Variants in CLTRN observed in about 807,000 individuals in gnomAD.
CLTRN encodes collectrin, amino acid transport regulator.
CLTRN carries 12 observed loss-of-function variants against 14.5 expected under a neutral mutation model. The observed-to-expected ratio is 0.83, with a 90% confidence interval of 0.53 to 1.34. The LOEUF is 1.34. Among genes scored for constraint, CLTRN ranks in the 40% most tolerant of loss-of-function variants. The probability of loss-of-function intolerance (pLI) is 0.00; values close to 1 mark genes in which losing one functional copy is unlikely to be tolerated. For missense variants in CLTRN, 154 were observed against 165.1 expected (o/e 0.93, Z 0.37); for synonymous variants, 58 against 56.5 (o/e 1.03, Z -0.12).
At chrX:15,653,113 A>G (rs1348580324) in intron 3 of CLTRN, among the ~76,000 whole-genome samples, 1 of 111,734 alleles carries the variant, frequency 8.9e-6, no homozygotes, top group Non-Finnish European at 1.9e-5. Context: ...AATGTAAATA[A>G]AAAATATGAA....
At position 15,649,025 on chromosome X, in the gene CLTRN, T is replaced by G. The variant is rs774699958; in HGVS notation, c.204-3996A>C. Among the ~76,000 whole-genome samples, 3 of 112,075 alleles carry G rather than the reference T, an allele frequency of 2.7e-5. No homozygotes were observed. In the South Asian group the frequency reaches 1.1e-3, roughly 41 times the overall value. On this transcript the variant is annotated intron_variant, in intron 3 of 5. Transcript: ENST00000380342. ...TCTTTAAATACTGTTCAAACATGAATTTCATGGTATTCCCCATTACAGAGC... is the reference window on the plus strand; with the variant it reads ...TCTTTAAATACTGTTCAAACATGAAGTTCATGGTATTCCCCATTACAGAGC...
chrX:15,655,666 C>T (rs185429232), intron 3 of CLTRN, among the ~76,000 whole-genome samples: 5 of 112,087 alleles, frequency 4.5e-5, no homozygotes, highest in African/African-American at 1.6e-4. Context: ...CACCATGAGA[C>T]TTCTCTGGCT....
At chrX:15,658,512 GAGAA>G in intron 3 of CLTRN, among the ~76,000 whole-genome samples, 1 of 112,020 alleles carries the variant, frequency 8.9e-6, no homozygotes, top group Admixed American at 9.5e-5. Flanking sequence ...ATCACAAATA[GAGAA>G]AGAAAGAAAC....
chrX:15,636,643 C>T (rs933117416), intron 5 of CLTRN, among the ~76,000 whole-genome samples: 17 of 111,390 alleles, frequency 1.5e-4, no homozygotes, highest in African/African-American at 5.2e-4. Context: ...GAAGTTTCTA[C>T]AGTATGATGG....
chrX:15,640,433 T>C (rs1216075797), intron 4 of CLTRN, among the ~76,000 whole-genome samples: 1 of 113,045 alleles, frequency 8.8e-6, no homozygotes, highest in Non-Finnish European at 1.9e-5. Context: ...GCTATAATAC[T>C]GCCTCTTCAG....
At chrX:15,654,474 GT>G (rs1473215579) in intron 3 of CLTRN, among the ~76,000 whole-genome samples, 1 of 112,223 alleles carries the variant, frequency 8.9e-6, no homozygotes, top group Admixed American at 9.4e-5. Flanking sequence ...CTGTGAAACT[GT>G]TTTAGTAAAT....
chrX:15,659,703 G>A (rs1356961589), intron 2 of CLTRN, among the ~76,000 whole-genome samples: 1 of 110,957 alleles, frequency 9.0e-6, no homozygotes, highest in Non-Finnish European at 1.9e-5. Flanking sequence ...CCTTAGAAGA[G>A]GAAATCTGGA....
Position 15,627,943 on chromosome X carries a change from T to C in CLTRN, c.*28A>G. Reference sequence around the variant, plus strand: ...CAGTCACACAGAAACAAATGTTTAATTTCTTGAGGAAGCAGAACAACAGCC... The same window carrying C: ...CAGTCACACAGAAACAAATGTTTAACTTCTTGAGGAAGCAGAACAACAGCC... On this transcript the variant is annotated 3_prime_UTR_variant, in exon 6 of 6. Coordinates refer to ENST00000380342, the MANE Select transcript of CLTRN (RefSeq NM_020665.6). The C allele has an allele frequency of 1.0e-6, 1 of 996,613 alleles. No individual in the cohort carries two copies. Among genetic ancestry groups the C allele is most frequent in the South Asian group, 4.4e-5 (1 of 22,621 alleles). 82.1% of individuals were successfully genotyped at this position (996,613 alleles called of 1,213,427 possible).
chrX:15,664,860 G>A (rs939895630), upstream of CLTRN: 9 of 807,966 alleles, frequency 1.1e-5, no homozygotes, highest in African/African-American at 1.0e-4. Context: ...TCTGTGACCC[G>A]GATTAGAATA....
Position 15,628,093 on chromosome X carries a change from C to A in CLTRN, c.547G>T (p.Glu183Ter). The A allele has an allele frequency of 1.8e-6, 2 of 1,132,557 alleles. No homozygotes were observed. The highest frequency in any genetic ancestry group is 2.3e-5 in the South Asian group (1 of 42,919). 93.3% of individuals were successfully genotyped at this position (1,132,557 alleles called of 1,213,427 possible). ...NKEPSEVDDA[E>*]DKCENMITIE... is the part of the protein sequence containing the mutation. ...GTGATCATGTTTTCACACTTATCTT[C>A]AGCGTCATCCACTTCAGATGGTTCT... is the stretch of plus-strand genomic sequence containing the variant. The change falls in exon 6 of 6, where the codon GAA (glutamate) becomes TAA (stop). Residue 183 changes from glutamate to a stop codon, truncating the protein, a stop_gained. Transcript: ENST00000380342. LOFTEE classifies it high-confidence loss of function.
intron 3 of CLTRN, chrX:15,646,354 T>A (rs1427177859): frequency 3.8e-6 from 1 of 265,142 alleles, no homozygotes; most frequent in Non-Finnish European, 7.4e-6. Flanking sequence ...TTTCGGAAAC[T>A]TCTGGCAGCC....
At chrX:15,666,255 G>C (rs1255300049), upstream of CLTRN, among the ~76,000 whole-genome samples, 1 of 111,812 alleles carries the variant, frequency 8.9e-6, no homozygotes, top group Non-Finnish European at 1.9e-5. Context: ...AAAAAACCCT[G>C]AAGTTGCAAC....
chrX:15,657,256 T>C (rs1425824374), intron 3 of CLTRN, among the ~76,000 whole-genome samples: 1 of 112,350 alleles, frequency 8.9e-6, no homozygotes, highest in East Asian at 2.8e-4. Flanking sequence ...TGCCTCGGCC[T>C]CCCAAAGTTT....
chrX:15,645,020 A>G lies in CLTRN; in HGVS notation c.213T>C (p.His71=), dbSNP rs138307428. Residue 71 remains histidine (H), a synonymous_variant, in exon 4 of 6, where the codon CAT becomes CAC. Transcript: ENST00000380342. ...VPNREATEIS[H]VLLCNVTQRV... ...TCTGGGTTACATTGCAAAGTAGGAC[A>G]TGGGAAATTCTGCAGACAGTGGAAA... 1.7e-6 allele frequency: 2 copies of G among 1,184,368 alleles called. No individual in the cohort carries two copies. Among genetic ancestry groups the G allele is most frequent in the Non-Finnish European group, 1.1e-6 (1 of 876,375 alleles).
chrX:15,652,638 GTTTGT>G (rs1446003628), intron 3 of CLTRN, among the ~76,000 whole-genome samples: 4 of 111,554 alleles, frequency 3.6e-5, no homozygotes, highest in African/African-American at 6.5e-5. Context: ...TTTCTTCAAG[GTTTGT>G]TTTTTCTTTG....
At chrX:15,675,108 A>ACCCAGGCGTACCGCAGGGGCGTGG (rs1304245791), upstream of CLTRN, 1 of 113,223 alleles carries the variant, frequency 8.8e-6, no homozygotes, top group East Asian at 2.8e-4. Context: ...AAGAGGCGTG[A>ACCCAGGCGTACCGCAGGGGCGTGG]CCCAGGCGTA....
At chrX:15,667,908 T>C (rs1267548044), upstream of CLTRN, among the ~76,000 whole-genome samples, 2 of 112,094 alleles carry the variant, frequency 1.8e-5, no homozygotes, top group East Asian at 5.6e-4. Flanking sequence ...GTGACAAATT[T>C]CTTCATAAGC....
upstream of CLTRN, among the ~76,000 whole-genome samples, chrX:15,667,229 T>C (rs1489951457): frequency 6.5e-5 from 6 of 91,942 alleles, no homozygotes; most frequent in African/African-American, 2.5e-4. Context: ...AGAGCGAGAC[T>C]CCATCTCAAA....
At chrX:15,651,772 G>A (rs1046864527) in intron 3 of CLTRN, among the ~76,000 whole-genome samples, 8 of 111,434 alleles carry the variant, frequency 7.2e-5, no homozygotes, top group African/African-American at 2.6e-4. Flanking sequence ...AAAAATGGAT[G>A]GATGAAAGAA....
Sources: allele counts gnomAD v4.1 joint callset (sites outside exome capture counted in the v4.1 genomes callset), GRCh38; gene constraint gnomAD v4.1.1; transcripts MANE v1.5; gene names NCBI Gene and HGNC (gene_info 2026-07-23, HGNC 2026-07-21).